GOLM2: variants seen among roughly 807,000 people sequenced by gnomAD.
GOLM2 encodes the protein golgi membrane protein 2, also known as protein GOLM2.
Under a neutral mutation model 55.9 loss-of-function variants are expected in GOLM2, and 26 were observed. The observed-to-expected ratio is 0.47, with a 90% CI of 0.34 to 0.65. The LOEUF is 0.65. GOLM2 is among the 30% of genes least tolerant of loss of function. The pLI, the probability that GOLM2 is intolerant of heterozygous loss-of-function variation, is 0.01. For synonymous variants in GOLM2, 165 were observed against 194.6 expected (o/e 0.85, Z 1.27); for missense variants, 486 against 531.8 (o/e 0.91, Z 0.85).
chr15:44,325,581 G>A (rs1259781866), intron 2 of GOLM2, among the ~76,000 whole-genome samples: 1 of 152,174 alleles, frequency 6.6e-6, no homozygotes, highest in South Asian at 2.1e-4. Context: ...AGGAGAATGA[G>A]TCCGAAAGAT....
chr15:44,312,608 T>C (rs1312186238), intron 1 of GOLM2, among the ~76,000 whole-genome samples: 3 of 152,164 alleles, frequency 2.0e-5, no homozygotes, highest in Admixed American at 6.6e-5. Flanking sequence ...AGTCCTCCTC[T>C]TATATTCACC....
intron 6 of GOLM2, among the ~76,000 whole-genome samples, chr15:44,360,506 T>C (rs2141170563): frequency 1.3e-5 from 2 of 152,266 alleles, no homozygotes; most frequent in South Asian, 4.1e-4. Context: ...GAGCTAACTA[T>C]CCTAAATATA....
intron 4 of GOLM2, among the ~76,000 whole-genome samples, chr15:44,337,135 G>A (rs2079062846): frequency 6.6e-6 from 1 of 152,032 alleles, no homozygotes; most frequent in South Asian, 2.1e-4. Context: ...TTTCCATGGA[G>A]GCAAACTTAA....
chr15:44,401,829 C>CT lies in GOLM2; in HGVS notation c.1073-1041dup, dbSNP rs754956674. ...TTATGTCTATTTATCTTCTTGATTT[C>CT]TTTTTTTTTTTTTTTTTGAGATGGA... On this transcript the variant is annotated intron_variant, in intron 8 of 9. Transcript: ENST00000299957. Among the ~76,000 whole-genome samples, 760 of 119,660 alleles carry CT rather than the reference C, an allele frequency of 6.4e-3. 6 individuals carry two copies. The highest frequency in any genetic ancestry group is 0.026 in the East Asian group (107 of 4,104). 78.5% of individuals were successfully genotyped at this position (119,660 alleles called of 152,430 possible).
chr15:44,381,050 C>A, intron 8 of GOLM2, 74 bp downstream of exon 8: 1 of 895,720 alleles, frequency 1.1e-6, no homozygotes, highest in Non-Finnish European at 1.6e-6. Flanking sequence ...CTTCATTATT[C>A]TGCTCTCTAA....
chr15:44,367,160 G>A (rs1368417274), intron 6 of GOLM2, among the ~76,000 whole-genome samples: 1 of 149,930 alleles, frequency 6.7e-6, no homozygotes, highest in Non-Finnish European at 1.5e-5. Context: ...TTTTCTGCTA[G>A]AACAGCAGAA....
At chr15:44,346,639 C>G (rs2079126380) in intron 6 of GOLM2, among the ~76,000 whole-genome samples, 2 of 152,154 alleles carry the variant, frequency 1.3e-5, no homozygotes, top group Admixed American at 1.3e-4. Context: ...AGCACCAATG[C>G]AGAACATTTT....
At position 44,304,230 on chromosome 15, in the gene GOLM2, C is replaced by CTTCTTTTT. The variant is rs1301281420; in HGVS notation, c.327+14876_327+14877insCTTTTTTT. The stretch of plus-strand genomic sequence containing the variant: ...TCAGTCACGTCTTCAGGCTCCACTT[C>CTTCTTTTT]TTTTTTTTTTTTTTTTTTTTTTTTT... On this transcript the variant is annotated intron_variant, in intron 1 of 9. Coordinates refer to ENST00000299957, the MANE Select transcript of GOLM2 (RefSeq NM_138423.4). Among the ~76,000 whole-genome samples, 232 of 82,928 alleles carry CTTCTTTTT rather than the reference C, an allele frequency of 2.8e-3. 4 individuals carry two copies. The highest frequency in any genetic ancestry group is 0.013 in the East Asian group (31 of 2,304). 54.4% of individuals were successfully genotyped at this position (82,928 alleles called of 152,430 possible).
chr15:44,306,575 A>G (rs1427797921), intron 1 of GOLM2, among the ~76,000 whole-genome samples: 1 of 152,162 alleles, frequency 6.6e-6, no homozygotes, highest in Admixed American at 6.5e-5. Flanking sequence ...TTTCCTTTGC[A>G]TTCACAATTT....
intron 6 of GOLM2, among the ~76,000 whole-genome samples, chr15:44,339,049 T>A (rs2079075043): frequency 6.6e-6 from 1 of 152,220 alleles, no homozygotes; most frequent in South Asian, 2.1e-4. Context: ...ATGCCTCTAC[T>A]GCTTTTGGCT....
Position 44,413,515 on chromosome 15 carries a change from C to T in GOLM2, c.*109C>T, listed in dbSNP as rs182105250. On this transcript the variant is annotated 3_prime_UTR_variant, in exon 10 of 10. Transcript: ENST00000299957. ...ACGAATTGTATCAGTTGTAAAGATA[C>T]ATTGAGATAGAATTAAGGAAAAACT... The T allele has an allele frequency of 1.2e-4, 90 of 771,436 alleles. No homozygotes were observed. The African/African-American group carries it at 1.3e-3, about 11-fold the overall frequency. The allele number at this position is 771,436 out of a possible 1,614,324, so 47.8% of individuals were successfully genotyped here.
chr15:44,320,515 G>A (rs2141128980), intron 1 of GOLM2, among the ~76,000 whole-genome samples: 1 of 152,154 alleles, frequency 6.6e-6, no homozygotes, highest in East Asian at 1.9e-4. Context: ...GTGTTGGCCA[G>A]GCTGGTCTTG....
intron 6 of GOLM2, among the ~76,000 whole-genome samples, chr15:44,366,563 G>T (rs1207559181): frequency 6.6e-6 from 1 of 152,172 alleles, no homozygotes. Context: ...GAGCACAGGG[G>T]ATTGAGGCTG....
chr15:44,409,156 C>T (rs1398580442), intron 9 of GOLM2, among the ~76,000 whole-genome samples: 2 of 143,426 alleles, frequency 1.4e-5, no homozygotes, highest in Admixed American at 1.4e-4. Flanking sequence ...TGATGGCGGG[C>T]ACCCGTAGTC....
At chr15:44,413,207 C>A in intron 9 of GOLM2, 129 bp from the exon 10 acceptor site, 1 of 580,372 alleles carries the variant, frequency 1.7e-6, no homozygotes, top group East Asian at 3.1e-5. Context: ...AGAAATAGAA[C>A]ACTATTTGTA....
intron 1 of GOLM2, among the ~76,000 whole-genome samples, chr15:44,292,475 C>T (rs990459336): frequency 6.6e-6 from 1 of 152,078 alleles, no homozygotes. Context: ...AGATTACAGG[C>T]GTGAGCCACC....
In GOLM2 at chr15:44,289,094, T is replaced by C. The variant is rs2078701456; in HGVS notation, c.65T>C (p.Leu22Pro). The C allele has an allele frequency of 1.2e-6, 2 of 1,614,158 alleles. No individual in the cohort carries two copies. The highest frequency in any genetic ancestry group is 1.7e-6 in the Non-Finnish European group (2 of 1,180,002). The change falls in exon 1 of 10, where the codon CTG (leucine) becomes CCG (proline). Residue 22 changes from leucine to proline, a missense_variant. Transcript: ENST00000299957. This position sits in a 1 kb window ranked among gnomAD's most constrained non-coding sequence, Gnocchi z 4.8. ...RLPSLVLVVL[L>P]VVIVVLAFNY... is the part of the protein sequence containing the mutation. ...CCCTCTCTCGTGCTGGTGGTGCTGC[T>C]GGTGGTGATCGTCGTCCTCGCCTTC...
At chr15:44,346,805 AC>A (rs2079127684) in intron 6 of GOLM2, among the ~76,000 whole-genome samples, 1 of 152,156 alleles carries the variant, frequency 6.6e-6, no homozygotes, top group Non-Finnish European at 1.5e-5. Flanking sequence ...ATACTAATAA[AC>A]TACCTATTCA....
At chr15:44,377,187 A>G (rs1032346758) in intron 6 of GOLM2, among the ~76,000 whole-genome samples, 1 of 152,098 alleles carries the variant, frequency 6.6e-6, no homozygotes, top group Admixed American at 6.6e-5. Context: ...AGCCCGGACC[A>G]CATAGTAAGA....
Sources: allele counts gnomAD v4.1 joint callset (sites outside exome capture counted in the v4.1 genomes callset), GRCh38; gene constraint gnomAD v4.1.1; non-coding constraint Gnocchi (gnomAD v3.1); transcripts MANE v1.5; gene names NCBI Gene and HGNC (gene_info 2026-07-23, HGNC 2026-07-21).